STX17: variants seen among roughly 807,000 people sequenced by gnomAD.
STX17 encodes syntaxin-17.
Under a neutral mutation model 35.9 loss-of-function variants are expected in STX17, and 29 were observed. The ratio of observed to expected loss-of-function variants is 0.81; its 90% CI spans 0.60 to 1.10. The LOEUF (loss-of-function observed/expected upper bound fraction) is 1.10. Among genes scored for constraint, STX17 ranks in the 50% least tolerant of loss-of-function variants. The pLI, the probability that STX17 is intolerant of heterozygous loss-of-function variation, is 0.00. For missense variants in STX17, 312 were observed against 352.3 expected, an observed-to-expected ratio of 0.89 and a Z score of 0.92; for synonymous variants, 92 against 118.3, an observed-to-expected ratio of 0.78 and a Z score of 1.44.
chr9:99,957,572 C>T (rs751027108), intron 4 of STX17, among the ~76,000 whole-genome samples: 2 of 152,014 alleles, frequency 1.3e-5, no homozygotes, highest in Non-Finnish European at 2.9e-5. Context: ...AACTATCCTA[C>T]AGCAGATCAC....
intron 4 of STX17, among the ~76,000 whole-genome samples, chr9:99,954,526 G>A (rs1257385188): frequency 6.6e-6 from 1 of 151,976 alleles, no homozygotes; most frequent in Non-Finnish European, 1.5e-5. Flanking sequence ...TAGTGGGGTA[G>A]GAATTGAGTT....
At position 99,973,447 on chromosome 9, in the gene STX17, C is replaced by T. The variant is rs961891770; in HGVS notation, c.*4774C>T. Among the ~76,000 whole-genome samples, 3 of 152,134 alleles carry T rather than the reference C, an allele frequency of 2.0e-5. No individual in the cohort carries two copies. The stretch of plus-strand genomic sequence containing the variant: ...CGGAAAGATAATTGGACGGGGAATC[C>T]TGAGATCAGAGTCCTAGTTTGGCTT... On this transcript the variant is annotated 3_prime_UTR_variant, in exon 8 of 8. Transcript: ENST00000259400.
intron 4 of STX17, among the ~76,000 whole-genome samples, chr9:99,956,673 C>T (rs1195132238): frequency 6.6e-6 from 1 of 152,156 alleles, no homozygotes; most frequent in Non-Finnish European, 1.5e-5. Context: ...TACTCTGTAT[C>T]GCCTGCCTTT....
At chr9:99,959,708 G>GC (rs1829789575) in intron 4 of STX17, among the ~76,000 whole-genome samples, 1 of 152,038 alleles carries the variant, frequency 6.6e-6, no homozygotes, top group Admixed American at 6.5e-5. Context: ...CAGTCCTCCC[G>GC]CCTCAGCCTG....
At chr9:99,959,774 T>A in intron 4 of STX17, 143 bp from the exon 5 acceptor site, 1 of 693,758 alleles carries the variant, frequency 1.4e-6, no homozygotes, top group Non-Finnish European at 2.4e-6. Context: ...CAATTCTATT[T>A]TTGTAGAATA....
chr9:99,926,507 T>C (rs972105668), intron 2 of STX17, among the ~76,000 whole-genome samples: 83 of 148,632 alleles, frequency 5.6e-4, no homozygotes, highest in Non-Finnish European at 5.7e-4. Context: ...GAGTCTTTCT[T>C]TTTTTTTTTT....
At chr9:99,958,887 A>G (rs1016255284) in intron 4 of STX17, among the ~76,000 whole-genome samples, 1 of 152,222 alleles carries the variant, frequency 6.6e-6, no homozygotes, top group Non-Finnish European at 1.5e-5. Context: ...TTAAAACTCA[A>G]AAGAAGTAGA....
chr9:99,912,643 T>G lies in STX17; in HGVS notation c.-62-2535T>G, dbSNP rs1337379412. 7.9e-5 allele frequency among the ~76,000 whole-genome samples: 12 copies of G among 152,302 alleles called. No homozygotes were observed. In the East Asian group the frequency reaches 2.3e-3, roughly 29 times the overall value. On this transcript the variant is annotated intron_variant, in intron 1 of 7. Coordinates refer to ENST00000259400, the MANE Select transcript of STX17 (RefSeq NM_017919.3). The stretch of plus-strand genomic sequence containing the variant: ...TTATGTGTAAGCAGGGTAATTACAC[T>G]GTAGTTTATAATAGTGGAAAATTAG...
Position 99,960,160 on chromosome 9 carries a change from G to T in STX17, c.582+5G>T. 6.2e-7 allele frequency: 1 copy of T among 1,613,148 alleles called. No individual in the cohort carries two copies. Among genetic ancestry groups the T allele is most frequent in the Non-Finnish European group, 8.5e-7 (1 of 1,179,550 alleles). ...GACTTCTCTCTCCTAGTGAATGTAA[G>T]TATATAACTGTTTTGGATGCAGAAT... On this transcript the variant is annotated splice_donor_5th_base_variant and intron_variant, in intron 6 of 7. Transcript: ENST00000259400.
intron 6 of STX17, 94 bp downstream of exon 6, chr9:99,960,249 A>C: frequency 7.7e-7 from 1 of 1,295,702 alleles, no homozygotes; most frequent in South Asian, 1.3e-5. Flanking sequence ...TTTTAATAGA[A>C]CTTATAATTT....
At chr9:99,961,311 G>T (rs893725738) in intron 6 of STX17, among the ~76,000 whole-genome samples, 1 of 152,184 alleles carries the variant, frequency 6.6e-6, no homozygotes, top group Non-Finnish European at 1.5e-5. Flanking sequence ...GGAATCAATT[G>T]CAAGAGTTCA....
At chr9:99,946,899 C>T (rs1829496963) in intron 3 of STX17, among the ~76,000 whole-genome samples, 1 of 152,050 alleles carries the variant, frequency 6.6e-6, no homozygotes, top group Non-Finnish European at 1.5e-5. Context: ...TGCTTTTAGA[C>T]ATCTTTTCTC....
intron 6 of STX17, among the ~76,000 whole-genome samples, chr9:99,966,825 G>C (rs908962181): frequency 6.6e-6 from 1 of 152,150 alleles, no homozygotes; most frequent in Non-Finnish European, 1.5e-5. Context: ...TAATGAGTTC[G>C]TGTCACTGGA....
intron 2 of STX17, among the ~76,000 whole-genome samples, chr9:99,927,295 C>G: frequency 6.6e-6 from 1 of 152,162 alleles, no homozygotes; most frequent in East Asian, 1.9e-4. Context: ...AAACATGAAT[C>G]TCTGGCTTCC....
chr9:99,930,547 G>A (rs1459972188), intron 3 of STX17, among the ~76,000 whole-genome samples: 2 of 152,112 alleles, frequency 1.3e-5, no homozygotes, highest in East Asian at 1.9e-4. Flanking sequence ...GATTACAGGC[G>A]TGAGCCACTG....
At chr9:99,926,155 T>C (rs1190180354) in intron 2 of STX17, among the ~76,000 whole-genome samples, 2 of 151,938 alleles carry the variant, frequency 1.3e-5, no homozygotes, top group Admixed American at 1.3e-4. Flanking sequence ...TTTTTTAAAT[T>C]CTATTAATTT....
chr9:99,922,438 A>G (rs2118341174), intron 2 of STX17, among the ~76,000 whole-genome samples: 1 of 152,316 alleles, frequency 6.6e-6, no homozygotes, highest in South Asian at 2.1e-4. Flanking sequence ...TACGTGCTCA[A>G]TGGATATTGA....
At position 99,970,004 on chromosome 9, in the gene STX17, AT is replaced by A. The variant is rs1292950892; in HGVS notation, c.*1333del. ...AAGGCTTTAATACTGGAAAAAAAGA[AT>A]TCAAGACTACAGGCAGCTCCCCTCT... On this transcript the variant is annotated 3_prime_UTR_variant, in exon 8 of 8. Coordinates refer to ENST00000259400, the MANE Select transcript of STX17 (RefSeq NM_017919.3). 2 of 152,630 alleles carry A rather than the reference AT, an allele frequency of 1.3e-5. No homozygotes were observed. The highest frequency in any genetic ancestry group is 2.4e-5 in the African/African-American group (1 of 41,436). The allele number at this position is 152,630 out of a possible 1,614,324, so 9.5% of individuals were successfully genotyped here. A position where few individuals can be genotyped will look rare whatever the true frequency, so the allele number is the denominator to read the frequency against.
intron 2 of STX17, among the ~76,000 whole-genome samples, 165 bp downstream of exon 2, chr9:99,915,527 G>A (rs1828751602): frequency 6.6e-6 from 1 of 152,096 alleles, no homozygotes; most frequent in Non-Finnish European, 1.5e-5. Flanking sequence ...TTTCTGTTCT[G>A]CATATATACC....
Sources: gnomAD v4.1 joint callset for allele counts (sites outside exome capture counted in the v4.1 genomes callset) on GRCh38, gnomAD v4.1.1 for gene constraint, MANE v1.5 for transcripts, NCBI Gene and HGNC (gene_info 2026-07-23, HGNC 2026-07-21) for gene names.